RBFOX1: variants seen among roughly 807,000 people sequenced by gnomAD.
The protein encoded by RBFOX1 is RNA binding protein fox-1 homolog 1.
Under a neutral mutation model 57.7 loss-of-function variants are expected in RBFOX1, and 8 were observed. That is an observed-to-expected ratio of 0.14 (90% CI 0.08 to 0.25). The LOEUF is 0.25. Ranked by LOEUF, RBFOX1 falls within the 10% of genes least tolerant of loss-of-function variation. RBFOX1 has a pLI of 1.00. For missense variants in RBFOX1, 611 were observed against 548.5 expected (o/e 1.11, Z -1.14); for synonymous variants, 326 against 222.4 (o/e 1.47, Z -4.15).
chr16:6,154,622 A>G (rs777536228), intron 1 of RBFOX1, among the ~76,000 whole-genome samples: 1 of 152,212 alleles, frequency 6.6e-6, no homozygotes, highest in Non-Finnish European at 1.5e-5. Context: ...TGGAGAGAGA[A>G]TCTACTCTTG....
At chr16:7,422,580 C>T (rs924533577) in intron 4 of RBFOX1, among the ~76,000 whole-genome samples, 3 of 152,070 alleles carry the variant, frequency 2.0e-5, no homozygotes, top group East Asian at 3.9e-4. Context: ...GTGCATTAAC[C>T]GGATGGAGCA....
chr16:6,327,057 C>A (rs1453025422), intron 2 of RBFOX1, among the ~76,000 whole-genome samples: 1 of 152,158 alleles, frequency 6.6e-6, no homozygotes, highest in Admixed American at 6.5e-5. Context: ...AAATGAGATT[C>A]ACCTGCACCT....
chr16:7,153,976 G>T (rs2076594501), intron 4 of RBFOX1, among the ~76,000 whole-genome samples: 1 of 152,150 alleles, frequency 6.6e-6, no homozygotes, highest in Non-Finnish European at 1.5e-5. Flanking sequence ...AAAGCATTCT[G>T]TTGACATCTG....
intron 2 of RBFOX1, among the ~76,000 whole-genome samples, chr16:6,373,935 T>C (rs1181966380): frequency 6.6e-6 from 1 of 152,216 alleles, no homozygotes; most frequent in Admixed American, 6.5e-5. Flanking sequence ...CTATTGACTG[T>C]GTGACTATGA....
upstream of RBFOX1, among the ~76,000 whole-genome samples, chr16:6,018,799 T>G (rs1323827358): frequency 6.6e-6 from 1 of 151,958 alleles, no homozygotes; most frequent in Non-Finnish European, 1.5e-5. Flanking sequence ...GCTCAATGAG[T>G]GAGCCCACCT....
intron 3 of RBFOX1, among the ~76,000 whole-genome samples, chr16:5,814,023 G>C (rs1462755718): frequency 6.6e-6 from 1 of 152,164 alleles, no homozygotes; most frequent in Non-Finnish European, 1.5e-5. Context: ...AAGCAATTAG[G>C]ATAGTAATGG....
intron 3 of RBFOX1, among the ~76,000 whole-genome samples, chr16:7,019,988 T>C (rs1199595031): frequency 2.0e-5 from 3 of 151,774 alleles, no homozygotes; most frequent in African/African-American, 4.8e-5. Flanking sequence ...TCTTTTTTTT[T>C]TTTTTCTCTG....
At chr16:6,147,156 C>G (rs1387299546) in intron 1 of RBFOX1, among the ~76,000 whole-genome samples, 2 of 152,184 alleles carry the variant, frequency 1.3e-5, no homozygotes, top group Non-Finnish European at 2.9e-5. Flanking sequence ...TTCCATCCCA[C>G]TCCAACTGTT....
At chr16:5,915,325 T>G (rs966111330) in intron 4 of RBFOX1, among the ~76,000 whole-genome samples, 1 of 152,208 alleles carries the variant, frequency 6.6e-6, no homozygotes, top group Non-Finnish European at 1.5e-5. Flanking sequence ...TTCAACTGGC[T>G]ATTGCATCCT....
chr16:5,355,307 G>A (rs1389656291), intron 1 of RBFOX1, among the ~76,000 whole-genome samples: 4 of 152,214 alleles, frequency 2.6e-5, no homozygotes, highest in Non-Finnish European at 4.4e-5. Context: ...CGCAGGTGTG[G>A]CAGGACGCAG....
At chr16:7,303,090 GTC>G (rs1406190101) in intron 4 of RBFOX1, among the ~76,000 whole-genome samples, 1 of 152,216 alleles carries the variant, frequency 6.6e-6, no homozygotes. Context: ...CCCCCTTCCA[GTC>G]GCCCCGAGCT....
chr16:7,258,440 G>T (rs2094784792), intron 4 of RBFOX1, among the ~76,000 whole-genome samples: 2 of 152,022 alleles, frequency 1.3e-5, no homozygotes, highest in African/African-American at 4.8e-5. Flanking sequence ...TTATTTGCCT[G>T]TTTCATCTTC....
rs1555787119 is a variant in RBFOX1, at chr16:7,693,426, T to TC, written c.996-15630_996-15629insC. The TC allele has an allele frequency of 2.2e-6, 3 of 1,348,718 alleles. No individual in the cohort carries two copies. In the South Asian group the frequency reaches 3.9e-5, roughly 17 times the overall value. The allele number at this position is 1,348,718 out of a possible 1,614,324, so 83.5% of individuals were successfully genotyped here. On this transcript the variant is annotated intron_variant, in intron 14 of 15. Transcript: ENST00000550418. ...CCAAGTCTCAGTATCCTTTTTTTTT[T>TC]TTTTTTTTCTTCTTCACATGCTGCA...
At chr16:6,120,593 T>C (rs543606655) in intron 1 of RBFOX1, among the ~76,000 whole-genome samples, 17 of 152,320 alleles carry the variant, frequency 1.1e-4, no homozygotes, top group Admixed American at 2.6e-4. Context: ...GTTTGTTATA[T>C]GAGGATTATA....
At chr16:5,453,902 G>C (rs962188725) in intron 1 of RBFOX1, among the ~76,000 whole-genome samples, 7 of 152,186 alleles carry the variant, frequency 4.6e-5, no homozygotes, top group Admixed American at 4.6e-4. Context: ...AGATTTTGTT[G>C]GGGTGGTTGG....
At chr16:7,515,341 A>T (rs1423983871) in intron 4 of RBFOX1, among the ~76,000 whole-genome samples, 4 of 152,044 alleles carry the variant, frequency 2.6e-5, no homozygotes, top group African/African-American at 9.7e-5. Flanking sequence ...GACAAAGGGT[A>T]CAAAGTGTCA....
intron 10 of RBFOX1, among the ~76,000 whole-genome samples, chr16:7,619,383 G>C (rs1402844404): frequency 6.6e-6 from 1 of 152,144 alleles, no homozygotes; most frequent in Non-Finnish European, 1.5e-5. Flanking sequence ...GTGTGTGCGA[G>C]TATGTGTGTG....
intron 1 of RBFOX1, among the ~76,000 whole-genome samples, chr16:6,096,231 T>C (rs969142731): frequency 1.3e-5 from 2 of 152,058 alleles, no homozygotes; most frequent in African/African-American, 4.8e-5. Context: ...AATTATTCCA[T>C]AGTGGGAAGG....
chr16:5,811,448 A>G (rs1168215646), intron 3 of RBFOX1, among the ~76,000 whole-genome samples: 1 of 122,638 alleles, frequency 8.2e-6, no homozygotes, highest in Non-Finnish European at 1.7e-5. Flanking sequence ...CAGCTGGAAC[A>G]AAGTATTTTT....
Sources: allele counts gnomAD v4.1 joint callset (sites outside exome capture counted in the v4.1 genomes callset), GRCh38; gene constraint gnomAD v4.1.1; transcripts MANE v1.5; gene names NCBI Gene and HGNC (gene_info 2026-07-23, HGNC 2026-07-21).